RALGDS: variants seen among roughly 807,000 people sequenced by gnomAD.
RALGDS encodes ral guanine nucleotide dissociation stimulator.
A neutral mutation model predicts 99.8 loss-of-function variants in RALGDS; 44 were observed. The observed-to-expected ratio is 0.44, with a 90% confidence interval of 0.35 to 0.57. The LOEUF (loss-of-function observed/expected upper bound fraction) is 0.57, where lower values mean the gene tolerates loss of function less well. Ranked by LOEUF, RALGDS falls within the 20% of genes least tolerant of loss-of-function variation. The pLI, the probability that RALGDS is intolerant of heterozygous loss-of-function variation, is 0.01. For synonymous variants in RALGDS, 529 were observed against 505.0 expected (o/e 1.05, Z -0.64); for missense variants, 1,022 against 1,203.1 (o/e 0.85, Z 2.23).
In RALGDS at chr9:133,101,636, A is replaced by G. The variant is rs1230211754; in HGVS notation, c.2338T>C (p.Ser780Pro). 1 of 1,613,790 alleles carries G rather than the reference A, an allele frequency of 6.2e-7. No individual in the cohort carries two copies. The highest frequency in any genetic ancestry group is 8.5e-7 in the Non-Finnish European group (1 of 1,180,036). Residue 780 changes from serine (S) to proline (P), a missense_variant, in exon 16 of 18, where the codon TCA becomes CCA. Coordinates refer to ENST00000372050, the MANE Select transcript of RALGDS (RefSeq NM_006266.4). ...AATRTHKRSV[S>P]GLCNSSSALP... ...GCGGAGCTGGAGTTGCAGAGCCCTGAGACAGAGCGCTTGTGGGTGCGTGTG... is the reference window on the plus strand; with the variant it reads ...GCGGAGCTGGAGTTGCAGAGCCCTGGGACAGAGCGCTTGTGGGTGCGTGTG...
chr9:133,108,097 G>C lies in RALGDS; in HGVS notation c.1088C>G (p.Pro363Arg). 6.2e-7 allele frequency: 1 copy of C among 1,613,744 alleles called. No homozygotes were observed. The highest frequency in any genetic ancestry group is 1.1e-5 in the South Asian group (1 of 91,086). The stretch of plus-strand genomic sequence containing the variant: ...TGCAACCACAGGTGAAGGCCAGGAA[G>C]GCTGTAATGATGGAACTGGTGCTGG... ...PAPAPVPSLQ[P>R]SWPSPVVAEN... Residue 363 changes from proline to arginine, a missense_variant, in exon 6 of 18, where the codon CCT becomes CGT. By Grantham distance (103) the Pro-to-Arg change is moderately radical. This residue lies in a region of RALGDS where 825 missense variants were observed against 994.5 expected (regional missense o/e 0.83). Coordinates refer to ENST00000372050, the MANE Select transcript of RALGDS (RefSeq NM_006266.4).
chr9:133,135,939 T>G (rs114263955), upstream of RALGDS, among the ~76,000 whole-genome samples: 1,095 of 152,260 alleles, frequency 7.2e-3, 11 homozygotes, highest in African/African-American at 0.024. Flanking sequence ...GTTGCAGCAA[T>G]GTCAACTGCC....
At chr9:133,103,486 A>G (rs1236176848) in intron 11 of RALGDS, among the ~76,000 whole-genome samples, 1 of 152,124 alleles carries the variant, frequency 6.6e-6, no homozygotes, top group African/African-American at 2.4e-5. Flanking sequence ...TTGGGTGAGA[A>G]GGCCCTGCTC....
At chr9:133,101,368 A>T in intron 16 of RALGDS, 152 bp downstream of exon 16, 5 of 1,540,668 alleles carry the variant, frequency 3.2e-6, no homozygotes, top group Non-Finnish European at 4.4e-6. Context: ...CTTGTCCCTG[A>T]TCACTACCTT....
intron 1 of RALGDS, among the ~76,000 whole-genome samples, chr9:133,120,428 A>ACCCCCCCCCCCGCCC (rs71378548): frequency 1.7e-5 from 1 of 59,994 alleles, no homozygotes; most frequent in Non-Finnish European, 3.4e-5. Context: ...CCATCCCCCG[A>ACCCCCCCCCCCGCCC]CCCCCCCCCC....
intron 10 of RALGDS, 141 bp downstream of exon 10, chr9:133,104,122 C>T: frequency 1.1e-6 from 1 of 926,626 alleles, no homozygotes; most frequent in Non-Finnish European, 1.7e-6. Context: ...CAGATACCAG[C>T]TGATCCAGGT....
intron 1 of RALGDS, among the ~76,000 whole-genome samples, chr9:133,129,990 T>G (rs13301188): frequency 2.3e-4 from 34 of 150,920 alleles, no homozygotes; most frequent in Non-Finnish European, 4.1e-4. Context: ...AATTTTTTTT[T>G]GAGACATCGT....
intron 1 of RALGDS, among the ~76,000 whole-genome samples, chr9:133,113,310 C>A (rs938613177): frequency 6.6e-6 from 1 of 152,198 alleles, no homozygotes; most frequent in African/African-American, 2.4e-5. Flanking sequence ...CCAGCAGGAG[C>A]CAGGTAGACT....
In RALGDS at chr9:133,100,369, T is replaced by C; in HGVS notation, c.2468A>G (p.Asp823Gly). 1.9e-6 allele frequency: 3 copies of C among 1,614,164 alleles called. No homozygotes were observed. The highest frequency in any genetic ancestry group is 2.5e-6 in the Non-Finnish European group (3 of 1,180,006). Residue 823 changes from aspartate (D) to glycine (G), a missense_variant, in exon 17 of 18, where the codon GAT becomes GGT. Transcript: ENST00000372050. ...CTTGCGGATTACAGCCGGAGCCTTATCTTGGCTGGTCACCTGCATCGCGGC... is the reference window on the plus strand; with the variant it reads ...CTTGCGGATTACAGCCGGAGCCTTACCTTGGCTGGTCACCTGCATCGCGGC... ...MYKSILVTSQ[D>G]KAPAVIRKAM...
At chr9:133,122,790 C>T (rs139174608), upstream of RALGDS, among the ~76,000 whole-genome samples, 8 of 151,476 alleles carry the variant, frequency 5.3e-5, no homozygotes, top group East Asian at 7.8e-4. Context: ...CTAAGGCCTC[C>T]GCCTCTTGGG....
At chr9:133,100,013 A>C (rs1830680191) in intron 17 of RALGDS, 1 of 559,668 alleles carries the variant, frequency 1.8e-6, no homozygotes, top group African/African-American at 1.9e-5. Context: ...CCAGTGAAAA[A>C]TGCCTTTTCT....
chr9:133,108,509 C>T (rs1831184352), intron 5 of RALGDS, 103 bp from the exon 6 acceptor site: 120 of 1,433,144 alleles, frequency 8.4e-5, no homozygotes, highest in Non-Finnish European at 1.1e-4. Flanking sequence ...CCCGAACCCA[C>T]AAAACGTGTA....
At chr9:133,105,909 G>A (rs1367952207) in intron 9 of RALGDS, 23 bp downstream of exon 9, 7 of 917,522 alleles carry the variant, frequency 7.6e-6, no homozygotes, top group African/African-American at 2.3e-5. Context: ...CCCAGCCCCC[G>A]CCCCAGCCTG....
chr9:133,103,101 C>A, intron 12 of RALGDS, 129 bp downstream of exon 12: 2 of 1,404,154 alleles, frequency 1.4e-6, no homozygotes, highest in South Asian at 2.4e-5. Flanking sequence ...TGGGAGGGGA[C>A]CCCCTTCTCT....
At chr9:133,131,203 G>C (rs1001052412), upstream of RALGDS, 3 of 1,311,088 alleles carry the variant, frequency 2.3e-6, no homozygotes, top group East Asian at 6.8e-5. Context: ...AGGGGACCCA[G>C]CTGAGCAGAC....
chr9:133,139,143 G>A (rs946673784), intron 1 of RALGDS, among the ~76,000 whole-genome samples: 3 of 152,344 alleles, frequency 2.0e-5, no homozygotes, highest in South Asian at 4.1e-4. Flanking sequence ...CAAAGGCAGA[G>A]AGATGCACCT....
At chr9:133,112,539 C>T (rs761278053) in intron 1 of RALGDS, among the ~76,000 whole-genome samples, 2 of 152,168 alleles carry the variant, frequency 1.3e-5, no homozygotes, top group African/African-American at 2.4e-5. Context: ...CATGCTGCCT[C>T]GGGTAAGTGG....
chr9:133,148,642 G>C (rs1165050374), intron 1 of RALGDS, among the ~76,000 whole-genome samples: 1 of 152,250 alleles, frequency 6.6e-6, no homozygotes, highest in African/African-American at 2.4e-5. Context: ...ATGGGAGATG[G>C]GCAGGGGTCC....
At chr9:133,136,814 G>A (rs1214730965) in intron 1 of RALGDS, among the ~76,000 whole-genome samples, 2 of 152,072 alleles carry the variant, frequency 1.3e-5, no homozygotes, top group Non-Finnish European at 2.9e-5. Flanking sequence ...GTGCGTGCCT[G>A]TAATCCCAGC....
Sources: gnomAD v4.1 joint callset for allele counts (sites outside exome capture counted in the v4.1 genomes callset) on GRCh38, gnomAD v4.1.1 for gene constraint, gnomAD v4.1.1 regional missense constraint, MANE v1.5 for transcripts, NCBI Gene and HGNC (gene_info 2026-07-23, HGNC 2026-07-21) for gene names.